Variants in KAT6B observed in about 807,000 individuals in gnomAD.
KAT6B encodes lysine acetyltransferase 6B.
In KAT6B, 10 loss-of-function variants were observed where a neutral mutation model predicts 187.5. The observed-to-expected ratio is 0.05, with a 90% CI of 0.03 to 0.09. The LOEUF (loss-of-function observed/expected upper bound fraction) is 0.09, where lower values mean the gene tolerates loss of function less well. KAT6B is among the 10% of genes least tolerant of loss of function. The pLI is 1.00. For synonymous variants in KAT6B, 861 were observed against 926.8 expected (o/e 0.93, Z 1.29); for missense variants, 1,952 against 2,558.9 (o/e 0.76, Z 5.12).
Position 75,000,876 on chromosome 10 carries a change from CT to C in KAT6B, c.2629+11768del, listed in dbSNP as rs1438257560. 2.6e-5 allele frequency among the ~76,000 whole-genome samples: 4 copies of C among 152,052 alleles called. 1 individual carries two copies. Among genetic ancestry groups the C allele is most frequent in the Non-Finnish European group, 5.9e-5 (4 of 68,016 alleles). The stretch of plus-strand genomic sequence containing the variant: ...TCATATGTTGAGGGTTTCACCTTAG[CT>C]TTTGTGAGGTCCGTGTGCTATTTAA... On this transcript the variant is annotated intron_variant, in intron 13 of 17. Transcript: ENST00000287239.
In KAT6B at chr10:75,031,072, A is replaced by G. The variant is rs1305724389; in HGVS notation, c.*26A>G. 2.5e-6 allele frequency: 4 copies of G among 1,612,646 alleles called. No individual in the cohort carries two copies. Among genetic ancestry groups the G allele is most frequent in the Admixed American group, 1.7e-5 (1 of 59,814 alleles). ...ACAACGTGGGCAGTCCACAAAACCT[A>G]CGGGGCATCACTATTGGATTGATCT... is the stretch of plus-strand genomic sequence containing the variant. On this transcript the variant is annotated 3_prime_UTR_variant, in exon 18 of 18. Transcript: ENST00000287239.
At chr10:74,975,372 G>A in intron 7 of KAT6B, 27 bp from the exon 8 acceptor site, 2 of 1,584,056 alleles carry the variant, frequency 1.3e-6, no homozygotes, top group Non-Finnish European at 1.7e-6. Flanking sequence ...ATTAAATGCT[G>A]ATACTATTCT....
chr10:74,825,426 C>G (rs1840114682), upstream of KAT6B, among the ~76,000 whole-genome samples: 1 of 149,908 alleles, frequency 6.7e-6, no homozygotes, highest in Admixed American at 6.6e-5. This position sits in a 1 kb window ranked among gnomAD's most constrained non-coding sequence, Gnocchi z 5.0. Context: ...GCCGGGCGGG[C>G]TGGCGGGCGG....
chr10:75,013,534 T>C (rs1268363266), intron 13 of KAT6B, among the ~76,000 whole-genome samples: 1 of 152,200 alleles, frequency 6.6e-6, no homozygotes, highest in Non-Finnish European at 1.5e-5. Context: ...AATCTGATTC[T>C]ATAGAGCAGT....
chr10:74,862,435 G>A (rs1051467611), intron 3 of KAT6B, among the ~76,000 whole-genome samples: 1 of 152,182 alleles, frequency 6.6e-6, no homozygotes, highest in Non-Finnish European at 1.5e-5. Context: ...TACTGGAGGA[G>A]CTTTTAAACG....
intron 13 of KAT6B, among the ~76,000 whole-genome samples, chr10:75,002,310 T>A (rs537400054): frequency 3.3e-5 from 5 of 152,058 alleles, no homozygotes; most frequent in African/African-American, 1.2e-4. Context: ...GGAGGGACCA[T>A]GACAGCATCT....
intron 2 of KAT6B, among the ~76,000 whole-genome samples, chr10:74,839,478 C>T (rs1384944738): frequency 1.3e-5 from 2 of 152,082 alleles, no homozygotes; most frequent in East Asian, 1.9e-4. Context: ...GTGATCCACC[C>T]GCCTTGGCCT....
At chr10:74,900,083 C>T (rs988731331) in intron 3 of KAT6B, among the ~76,000 whole-genome samples, 1 of 151,908 alleles carries the variant, frequency 6.6e-6, no homozygotes, top group Non-Finnish European at 1.5e-5. Flanking sequence ...AATAACTTTT[C>T]TGATTTTTTT....
At chr10:74,962,669 G>A (rs140876653) in intron 4 of KAT6B, among the ~76,000 whole-genome samples, 17 of 152,176 alleles carry the variant, frequency 1.1e-4, no homozygotes, top group Middle Eastern at 3.4e-3. Context: ...CTTTTCAGTC[G>A]TCCCTATCTG....
intron 3 of KAT6B, among the ~76,000 whole-genome samples, chr10:74,942,155 A>T (rs529740306): frequency 1.1e-3 from 165 of 152,290 alleles, no homozygotes; most frequent in Non-Finnish European, 1.9e-3. Flanking sequence ...GTCTCAAGAA[A>T]TAAAATAAAA....
At chr10:74,993,023 G>A (rs1843208603) in intron 13 of KAT6B, among the ~76,000 whole-genome samples, 1 of 152,106 alleles carries the variant, frequency 6.6e-6, no homozygotes, top group Non-Finnish European at 1.5e-5. Flanking sequence ...CCCCATCTCT[G>A]TCTGTAAAGT....
At chr10:74,943,543 A>G (rs897934519) in intron 3 of KAT6B, among the ~76,000 whole-genome samples, 2 of 152,244 alleles carry the variant, frequency 1.3e-5, no homozygotes, top group African/African-American at 2.4e-5. Context: ...GGACTAGTTC[A>G]GTGGGAAGAA....
intron 3 of KAT6B, among the ~76,000 whole-genome samples, chr10:74,904,289 A>G (rs764343546): frequency 1.6e-4 from 25 of 152,206 alleles, no homozygotes; most frequent in Non-Finnish European, 2.9e-4. Flanking sequence ...CCCCTGCTCA[A>G]GGACTCACCA....
intron 13 of KAT6B, among the ~76,000 whole-genome samples, chr10:75,012,841 G>A (rs1844711006): frequency 6.6e-6 from 1 of 152,198 alleles, no homozygotes; most frequent in African/African-American, 2.4e-5. Context: ...GCATCGGGGA[G>A]TCACACTCCT....
intron 17 of KAT6B, 116 bp downstream of exon 17, chr10:75,025,365 C>A: frequency 9.8e-7 from 1 of 1,019,496 alleles, no homozygotes; most frequent in Non-Finnish European, 1.5e-6. Context: ...TGCTGATGCA[C>A]CTGGAGCAAG....
chr10:74,880,930 CTT>C (rs111285977), intron 3 of KAT6B, among the ~76,000 whole-genome samples: 2 of 144,492 alleles, frequency 1.4e-5, no homozygotes, highest in African/African-American at 2.5e-5. Context: ...CTTACTCTCT[CTT>C]TTTTTTTTTG....
At chr10:74,917,978 T>C (rs1392229397) in intron 3 of KAT6B, among the ~76,000 whole-genome samples, 1 of 152,242 alleles carries the variant, frequency 6.6e-6, no homozygotes, top group East Asian at 1.9e-4. Flanking sequence ...TTAATAAATA[T>C]ATCCTCATAT....
rs965264874 is a variant in KAT6B, at chr10:75,032,000, A to G, written c.*954A>G. 1 of 193,050 alleles carries G rather than the reference A, an allele frequency of 5.2e-6. No homozygotes were observed. Among genetic ancestry groups the G allele is most frequent in the African/African-American group, 2.3e-5 (1 of 43,102 alleles). The allele number at this position is 193,050 out of a possible 1,614,324, so 12.0% of individuals were successfully genotyped here. Reference sequence around the variant, plus strand: ...AAAATATTGGAGTTATTTTTTAAGGAAAAATAGAAAAGTAGCTTGTGAATA... The same window carrying G: ...AAAATATTGGAGTTATTTTTTAAGGGAAAATAGAAAAGTAGCTTGTGAATA... On this transcript the variant is annotated 3_prime_UTR_variant, in exon 18 of 18. Coordinates refer to ENST00000287239, the MANE Select transcript of KAT6B (RefSeq NM_012330.4).
chr10:74,975,659 T>G lies in KAT6B; in HGVS notation c.1322T>G (p.Phe441Cys). ...TKGLIDGLTK[F>C]FTPSPDGRRS... is the part of the protein sequence containing the mutation. The stretch of plus-strand genomic sequence containing the variant: ...GGGCTCATTGATGGCCTTACTAAGT[T>G]TTTTACACCATCACCTGATGGTCGC... The change falls in exon 8 of 18, where the codon TTT becomes TGT. Residue 441 changes from phenylalanine (F) to cysteine (C), a missense_variant. Coordinates refer to ENST00000287239, the MANE Select transcript of KAT6B (RefSeq NM_012330.4). 6.2e-7 allele frequency: 1 copy of G among 1,614,166 alleles called. No individual in the cohort carries two copies. The highest frequency in any genetic ancestry group is 8.5e-7 in the Non-Finnish European group (1 of 1,180,032).
Sources: allele counts gnomAD v4.1 joint callset (sites outside exome capture counted in the v4.1 genomes callset), GRCh38; gene constraint gnomAD v4.1.1; non-coding constraint Gnocchi (gnomAD v3.1); transcripts MANE v1.5; gene names NCBI Gene and HGNC (gene_info 2026-07-23, HGNC 2026-07-21).